The following ZNF407 variants were observed in gnomAD, a reference collection of about 807,000 sequenced individuals.
ZNF407 encodes the protein zinc finger protein 407.
Under a neutral mutation model 131.2 loss-of-function variants are expected in ZNF407, and 17 were observed. That is an observed-to-expected ratio of 0.13 (90% CI 0.09 to 0.19). The LOEUF is 0.19. Ranked by LOEUF, ZNF407 falls within the 10% of genes least tolerant of loss-of-function variation. The pLI is 1.00. For missense variants in ZNF407, 2,681 were observed against 2,830.6 expected, an observed-to-expected ratio of 0.95 and a Z score of 1.20; for synonymous variants, 1,156 against 1,062.0, an observed-to-expected ratio of 1.09 and a Z score of -1.72.
At chr18:75,032,472 C>A (rs548334972) in intron 8 of ZNF407, among the ~76,000 whole-genome samples, 1 of 152,254 alleles carries the variant, frequency 6.6e-6, no homozygotes, top group African/African-American at 2.4e-5. Flanking sequence ...AAGTTGAAAT[C>A]TCTTGACATA....
In ZNF407 at chr18:74,796,535, T is replaced by A. The variant is rs187250013; in HGVS notation, c.4877+15033T>A. Among the ~76,000 whole-genome samples, 414 of 152,266 alleles carry A rather than the reference T, an allele frequency of 2.7e-3. 4 individuals carry two copies. The highest frequency in any genetic ancestry group is 9.4e-3 in the African/African-American group (392 of 41,550). ...AGTAATGTCGAAGGACGCAAAATGG[T>A]GGGGAATGTTCCAGTCTGAAGCATT... On this transcript the variant is annotated intron_variant, in intron 4 of 8. Transcript: ENST00000299687.
intron 3 of ZNF407, among the ~76,000 whole-genome samples, chr18:74,643,018 G>C (rs1341317066): frequency 6.6e-6 from 1 of 152,130 alleles, no homozygotes; most frequent in Non-Finnish European, 1.5e-5. Context: ...GATCTTTGTA[G>C]TTGGAACAGA....
rs375090606 is a variant in ZNF407, at chr18:74,916,781, AGTGT to A, written c.5250-3713_5250-3710del. Among the ~76,000 whole-genome samples the A allele has an allele frequency of 2.9e-3, 258 of 87,970 alleles. 5 individuals are homozygous for A. The East Asian group carries it at 0.066, about 22-fold the overall frequency. The allele number at this position is 87,970 out of a possible 152,430, so 57.7% of individuals were successfully genotyped here. Reference sequence around the variant, plus strand: ...GTATGCAGCATTGGTTCGAATCGGGAGTGTGTGTGTGTGTGTGTGTGTGCATGTG... The same window carrying A: ...GTATGCAGCATTGGTTCGAATCGGGAGTGTGTGTGTGTGTGTGTGCATGTG... On this transcript the variant is annotated intron_variant, in intron 7 of 8. Coordinates refer to ENST00000299687, the MANE Select transcript of ZNF407 (RefSeq NM_017757.3).
At chr18:74,621,230 G>A (rs1983496892) in intron 1 of ZNF407, among the ~76,000 whole-genome samples, 1 of 152,062 alleles carries the variant, frequency 6.6e-6, no homozygotes, top group Admixed American at 6.5e-5. Flanking sequence ...GTAAAATGGG[G>A]TATTCATCCC....
chr18:74,635,464 G>C lies in ZNF407; in HGVS notation c.4445G>C (p.Gly1482Ala), dbSNP rs1315290699. The change falls in exon 2 of 9, where the codon GGA becomes GCA. Residue 1482 changes from glycine to alanine, a missense_variant. Physicochemically the swap from Gly to Ala is moderately conservative, Grantham distance 60. This residue lies in a region of ZNF407 where 213 missense variants were observed against 332.2 expected (regional missense o/e 0.64). Coordinates refer to ENST00000299687, the MANE Select transcript of ZNF407 (RefSeq NM_017757.3). This position sits in a 1 kb window ranked among gnomAD's most constrained non-coding sequence, Gnocchi z 4.7. The stretch of plus-strand genomic sequence containing the variant: ...GCCAGTGTGGAGGAGCTTCCGGAGG[G>C]AGGGGCCACCTTTAAATGTGTCAAG... ...EQASVEELPE[G>A]GATFKCVKCT... The C allele has an allele frequency of 6.2e-7, 1 of 1,613,068 alleles. No individual in the cohort carries two copies. The highest frequency in any genetic ancestry group is 8.5e-7 in the Non-Finnish European group (1 of 1,179,454).
intron 8 of ZNF407, among the ~76,000 whole-genome samples, chr18:74,951,176 G>A (rs188952570): frequency 2.4e-4 from 36 of 152,212 alleles, no homozygotes; most frequent in African/African-American, 7.2e-4. Context: ...CAAATGTACT[G>A]AACTTTTCTT....
intron 4 of ZNF407, among the ~76,000 whole-genome samples, chr18:74,806,760 A>G (rs1315427499): frequency 6.6e-6 from 1 of 152,242 alleles, no homozygotes; most frequent in Non-Finnish European, 1.5e-5. Flanking sequence ...TAAAAATATA[A>G]GGAATAATAC....
intron 8 of ZNF407, among the ~76,000 whole-genome samples, chr18:74,972,289 G>A (rs1332484091): frequency 6.6e-6 from 1 of 152,162 alleles, no homozygotes; most frequent in Non-Finnish European, 1.5e-5. Context: ...TGAGCCAGTG[G>A]ATCTACAACC....
intron 3 of ZNF407, among the ~76,000 whole-genome samples, chr18:74,751,016 G>A (rs982390827): frequency 1.1e-4 from 16 of 151,988 alleles, no homozygotes; most frequent in African/African-American, 2.9e-4. Flanking sequence ...TCCCTTGCCC[G>A]TTTTTACTTT....
intron 3 of ZNF407, among the ~76,000 whole-genome samples, chr18:74,737,333 G>T (rs1046393360): frequency 2.0e-5 from 3 of 152,204 alleles, no homozygotes; most frequent in Admixed American, 1.3e-4. Flanking sequence ...TTCACTCAGT[G>T]CTAATGGTCT....
chr18:74,758,048 G>C (rs1414322889), intron 3 of ZNF407, among the ~76,000 whole-genome samples: 1 of 152,074 alleles, frequency 6.6e-6, no homozygotes, highest in Admixed American at 6.6e-5. Flanking sequence ...CTTGTAGACA[G>C]CATATACTTG....
chr18:74,992,902 G>A (rs144851527), intron 8 of ZNF407, among the ~76,000 whole-genome samples: 1 of 152,274 alleles, frequency 6.6e-6, no homozygotes, highest in Non-Finnish European at 1.5e-5. Context: ...TTTTAGGAAC[G>A]TGAAAATTAA....
chr18:74,787,909 T>C (rs1238153945), intron 4 of ZNF407, among the ~76,000 whole-genome samples: 1 of 152,242 alleles, frequency 6.6e-6, no homozygotes, highest in Non-Finnish European at 1.5e-5. Context: ...TAGGATGCTG[T>C]TCATGGAAAT....
intron 7 of ZNF407, among the ~76,000 whole-genome samples, chr18:74,907,662 C>G (rs1328101190): frequency 1.3e-5 from 2 of 152,202 alleles, no homozygotes; most frequent in African/African-American, 4.8e-5. Flanking sequence ...TATGGATGCA[C>G]TGTACATTTA....
chr18:74,738,422 GAA>G lies in ZNF407; in HGVS notation c.4803-42981_4803-42980del, dbSNP rs10602546. Among the ~76,000 whole-genome samples the G allele has an allele frequency of 3.0e-3, 194 of 65,696 alleles. 1 individual carries two copies. The highest frequency in any genetic ancestry group is 6.1e-3 in the African/African-American group (85 of 13,886). 43.1% of individuals were successfully genotyped at this position (65,696 alleles called of 152,430 possible). On this transcript the variant is annotated intron_variant, in intron 3 of 8. Transcript: ENST00000299687. ...ACGACAGAGTGAGACTCTGTCTCAA[GAA>G]AAAAAAAAAAAAAAAAAAAAAAAAG... is the stretch of plus-strand genomic sequence containing the variant.
intron 8 of ZNF407, among the ~76,000 whole-genome samples, chr18:74,956,727 G>A (rs1405768071): frequency 6.6e-6 from 1 of 152,158 alleles, no homozygotes; most frequent in Admixed American, 6.5e-5. Flanking sequence ...ATGCCTGGGA[G>A]AAGGATGGGC....
At chr18:74,743,859 A>G (rs189922619) in intron 3 of ZNF407, among the ~76,000 whole-genome samples, 11 of 152,184 alleles carry the variant, frequency 7.2e-5, no homozygotes, top group East Asian at 1.9e-4. Flanking sequence ...GATGTGTTTT[A>G]GAGTTAATTG....
chr18:74,734,057 A>G (rs1362014419), intron 3 of ZNF407, among the ~76,000 whole-genome samples: 4 of 151,858 alleles, frequency 2.6e-5, no homozygotes, highest in African/African-American at 9.7e-5. Flanking sequence ...ACATCGGTTC[A>G]TTCTTCTGAC....
chr18:74,633,127 C>T lies in ZNF407; in HGVS notation c.2108C>T (p.Pro703Leu), dbSNP rs1984219779. 1 of 1,613,144 alleles carries T rather than the reference C, an allele frequency of 6.2e-7. No homozygotes were observed. Among genetic ancestry groups the T allele is most frequent in the African/African-American group, 1.3e-5 (1 of 74,830 alleles). ...HGNEVRHSSK[P>L]QFQCKKCFYK... The stretch of plus-strand genomic sequence containing the variant: ...AATGAAGTGAGGCATTCCAGTAAGC[C>T]TCAGTTTCAGTGTAAGAAGTGTTTT... Residue 703 changes from proline to leucine, a missense_variant, in exon 2 of 9, where the codon CCT becomes CTT. Around this residue, in one of 6 missense-constraint regions of ZNF407, gnomAD observed 1,789 missense variants for 1,748.7 expected, o/e 1.02. Coordinates refer to ENST00000299687, the MANE Select transcript of ZNF407 (RefSeq NM_017757.3).
Sources: allele counts gnomAD v4.1 joint callset (sites outside exome capture counted in the v4.1 genomes callset), GRCh38; gene constraint gnomAD v4.1.1; regional missense constraint gnomAD v4.1.1; non-coding constraint Gnocchi (gnomAD v3.1); transcripts MANE v1.5; gene names NCBI Gene and HGNC (gene_info 2026-07-23, HGNC 2026-07-21).